NUTF2: variants seen among roughly 807,000 people sequenced by gnomAD.
NUTF2 encodes the protein nuclear transport factor 2.
A neutral mutation model predicts 18.5 loss-of-function variants in NUTF2; 3 were observed. The observed-to-expected ratio is 0.16, with a 90% CI of 0.07 to 0.42. The LOEUF (loss-of-function observed/expected upper bound fraction) is 0.42. Among genes scored for constraint, NUTF2 ranks in the 10% least tolerant of loss-of-function variants. The pLI, the probability that NUTF2 is intolerant of heterozygous loss-of-function variation, is 0.99. For missense variants in NUTF2, 44 were observed against 160.7 expected, an observed-to-expected ratio of 0.27 and a Z score of 3.93; for synonymous variants, 51 against 57.9, an observed-to-expected ratio of 0.88 and a Z score of 0.54.
chr16:67,855,012 GT>G (rs543928670), intron 1 of NUTF2, among the ~76,000 whole-genome samples: 15 of 146,362 alleles, frequency 1.0e-4, no homozygotes, highest in Admixed American at 2.0e-4. Flanking sequence ...GTGCTGGTTT[GT>G]TTTTTTTTTT....
At chr16:67,865,933 T>C (rs1053589265) in intron 2 of NUTF2, among the ~76,000 whole-genome samples, 1 of 152,190 alleles carries the variant, frequency 6.6e-6, no homozygotes, top group East Asian at 1.9e-4. Context: ...TTGGCCAGGC[T>C]GGTCTCGAAC....
chr16:67,848,145 A>G (rs1264093586), intron 1 of NUTF2, among the ~76,000 whole-genome samples: 1 of 152,246 alleles, frequency 6.6e-6, no homozygotes, highest in Non-Finnish European at 1.5e-5. Context: ...TGACCAAAAA[A>G]TACTATCCTG....
chr16:67,852,637 C>T (rs1303545953), intron 1 of NUTF2, among the ~76,000 whole-genome samples: 1 of 152,054 alleles, frequency 6.6e-6, no homozygotes, highest in Admixed American at 6.6e-5. Context: ...GGATTATAAG[C>T]TTGAGCCACC....
chr16:67,862,451 G>T (rs2057941348), intron 1 of NUTF2, among the ~76,000 whole-genome samples: 1 of 152,130 alleles, frequency 6.6e-6, no homozygotes, highest in Admixed American at 6.6e-5. Context: ...ACTCTTCTCT[G>T]CCCTACCAGG....
At position 67,872,161 on chromosome 16, in the gene NUTF2, G is replaced by A. The variant is rs2151302771; in HGVS notation, c.*1248G>A. On this transcript the variant is annotated 3_prime_UTR_variant, in exon 5 of 5. Coordinates refer to ENST00000219169, the MANE Select transcript of NUTF2 (RefSeq NM_005796.3). ...CCCCTTGTCCCACAGACTTCTGGAT[G>A]GTATAAACCTAGTGGCAATGTAGCA... 6.6e-6 allele frequency: 1 copy of A among 152,366 alleles called. No homozygotes were observed. Among genetic ancestry groups the A allele is most frequent in the African/African-American group, 2.4e-5 (1 of 41,572 alleles). The allele number at this position is 152,366 out of a possible 1,614,324, so 9.4% of individuals were successfully genotyped here.
chr16:67,857,454 C>A (rs966296913), intron 1 of NUTF2, among the ~76,000 whole-genome samples: 1 of 152,182 alleles, frequency 6.6e-6, no homozygotes, highest in Non-Finnish European at 1.5e-5. Flanking sequence ...TGATTGCACT[C>A]CATCCTTCAG....
chr16:67,853,679 T>C (rs979746612), intron 1 of NUTF2, among the ~76,000 whole-genome samples: 1 of 152,106 alleles, frequency 6.6e-6, no homozygotes, highest in Non-Finnish European at 1.5e-5. Context: ...TTATATTCTA[T>C]TTTTTAGTTT....
At chr16:67,853,003 A>T (rs1470121361) in intron 1 of NUTF2, among the ~76,000 whole-genome samples, 1 of 151,648 alleles carries the variant, frequency 6.6e-6, no homozygotes, top group East Asian at 1.9e-4. Flanking sequence ...TTCTTTTTAA[A>T]GTTTTTCTTA....
chr16:67,850,330 G>A (rs1371201866), intron 1 of NUTF2, among the ~76,000 whole-genome samples: 6 of 150,980 alleles, frequency 4.0e-5, no homozygotes, highest in African/African-American at 1.2e-4. Context: ...TCAGCCTCCC[G>A]AGTAGCTGGG....
intron 2 of NUTF2, among the ~76,000 whole-genome samples, chr16:67,867,397 C>T (rs1384758547): frequency 6.6e-6 from 1 of 152,218 alleles, no homozygotes; most frequent in African/African-American, 2.4e-5. Context: ...AACTAAGACT[C>T]AGAGAAATAA....
At chr16:67,868,035 A>T (rs1249394768) in intron 2 of NUTF2, among the ~76,000 whole-genome samples, 1 of 152,218 alleles carries the variant, frequency 6.6e-6, no homozygotes, top group Admixed American at 6.5e-5. Context: ...ACACAGCAGG[A>T]TGGCTGAGCT....
intron 1 of NUTF2, among the ~76,000 whole-genome samples, chr16:67,850,144 T>C (rs1341823502): frequency 6.6e-6 from 1 of 151,492 alleles, no homozygotes; most frequent in Non-Finnish European, 1.5e-5. Flanking sequence ...CCAACGTTAC[T>C]CAAGAGTAGG....
At chr16:67,867,870 T>C (rs2057984452) in intron 2 of NUTF2, among the ~76,000 whole-genome samples, 1 of 152,082 alleles carries the variant, frequency 6.6e-6, no homozygotes, top group Admixed American at 6.5e-5. Context: ...GCATTTTTAG[T>C]AGAGTTGGGG....
intron 1 of NUTF2, among the ~76,000 whole-genome samples, chr16:67,848,721 G>T (rs560022440): frequency 6.7e-6 from 1 of 150,180 alleles, no homozygotes. Flanking sequence ...CAGCCTGGGC[G>T]ACAGAGCAAG....
At chr16:67,858,081 A>C (rs1329299411) in intron 1 of NUTF2, among the ~76,000 whole-genome samples, 1 of 152,254 alleles carries the variant, frequency 6.6e-6, no homozygotes, top group Admixed American at 6.5e-5. Context: ...ACCGTAAACA[A>C]ATACCAAACT....
At chr16:67,862,190 T>C (rs1261207485) in intron 1 of NUTF2, among the ~76,000 whole-genome samples, 1 of 151,948 alleles carries the variant, frequency 6.6e-6, no homozygotes, top group Non-Finnish European at 1.5e-5. Flanking sequence ...GATGCAGAGT[T>C]AGCAGAAAAA....
At chr16:67,860,779 T>C (rs7184707) in intron 1 of NUTF2, among the ~76,000 whole-genome samples, 7,836 of 152,312 alleles carry the variant, frequency 0.051, 569 homozygotes, top group African/African-American at 0.17. Context: ...TGAGAATCTT[T>C]CTGTGTGCCA....
chr16:67,851,819 C>T (rs993686505), intron 1 of NUTF2, among the ~76,000 whole-genome samples: 5 of 151,714 alleles, frequency 3.3e-5, no homozygotes, highest in Non-Finnish European at 5.9e-5. Context: ...AGTTCAAAAC[C>T]AGCCTTACCA....
intron 1 of NUTF2, among the ~76,000 whole-genome samples, chr16:67,862,951 G>C (rs1017709844): frequency 6.6e-6 from 1 of 152,214 alleles, no homozygotes; most frequent in South Asian, 2.1e-4. Context: ...CATTCCTCCA[G>C]CTTTTCCCCT....
Sources: gnomAD v4.1 joint callset for allele counts (sites outside exome capture counted in the v4.1 genomes callset) on GRCh38, gnomAD v4.1.1 for gene constraint, MANE v1.5 for transcripts, NCBI Gene and HGNC (gene_info 2026-07-23, HGNC 2026-07-21) for gene names.